The following GPR155 variants were observed in gnomAD, a reference collection of about 807,000 sequenced individuals.
GPR155 encodes the protein G protein-coupled receptor 155.
Under a neutral mutation model 93.1 loss-of-function variants are expected in GPR155, and 65 were observed. The observed-to-expected ratio is 0.70, with a 90% CI of 0.57 to 0.86. GPR155 has a LOEUF of 0.86. GPR155 is among the 40% of genes least tolerant of loss of function. The pLI is 0.00. For missense variants in GPR155, 838 were observed against 1,034.8 expected, an observed-to-expected ratio of 0.81 and a Z score of 2.61; for synonymous variants, 319 against 360.1, an observed-to-expected ratio of 0.89 and a Z score of 1.29.
chr2:174,469,185 TATAAAATCCAG>T (rs1343275096), intron 4 of GPR155, 118 bp from the exon 5 acceptor site: 13 of 799,812 alleles, frequency 1.6e-5, no homozygotes, highest in African/African-American at 1.6e-4. Flanking sequence ...GTAAAGACAT[TATAAAATCCAG>T]CATGTTATCC....
intron 5 of GPR155, among the ~76,000 whole-genome samples, chr2:174,468,299 TC>T (rs759799065): frequency 5.9e-5 from 9 of 152,220 alleles, no homozygotes; most frequent in Non-Finnish European, 1.2e-4. Flanking sequence ...GTCTTTTTTT[TC>T]AGCCAGAATA....
At position 174,436,124 on chromosome 2, in the gene GPR155, T is replaced by C; in HGVS notation, c.2605A>G (p.Lys869Glu). 1 of 1,611,714 alleles carries C rather than the reference T, an allele frequency of 6.2e-7. No homozygotes were observed. The change falls in exon 16 of 16, where the codon AAG becomes GAG. Residue 869 changes from lysine to glutamate, a missense_variant. Around this residue, in one of 3 missense-constraint regions of GPR155, gnomAD observed 146 missense variants for 177.5 expected, o/e 0.82. Coordinates refer to ENST00000392552, the MANE Select transcript of GPR155 (RefSeq NM_152529.7). ...GTTCTCCCCTGCATAATTTAGGTCT[T>C]AGGGGAATGTGAGGGTGGGGATGAA... is the stretch of plus-strand genomic sequence containing the variant. ...EHSSPPSHSPKT is the reference protein window; with the variant it reads ...EHSSPPSHSPET
rs1318035539 is a variant in GPR155 at position 174,431,876 on chromosome 2, C to G, written c.*4240G>C. On this transcript the variant is annotated 3_prime_UTR_variant, in exon 16 of 16. Coordinates refer to ENST00000392552, the MANE Select transcript of GPR155 (RefSeq NM_152529.7). ...TCTCAAAATGCCAAATACACTTTGT[C>G]TTAGTCTAAAAATATTGAAAGCTAA... 1 of 152,150 alleles carries G rather than the reference C, an allele frequency of 6.6e-6. No individual in the cohort carries two copies. The highest frequency in any genetic ancestry group is 1.5e-5 in the Non-Finnish European group (1 of 68,028). The allele number at this position is 152,150 out of a possible 1,614,324, so 9.4% of individuals were successfully genotyped here. A position where few individuals can be genotyped will look rare whatever the true frequency, so the allele number is the denominator to read the frequency against.
At chr2:174,443,516 G>A (rs1687028003) in intron 13 of GPR155, among the ~76,000 whole-genome samples, 1 of 152,154 alleles carries the variant, frequency 6.6e-6, no homozygotes, top group South Asian at 2.1e-4. Context: ...ATCACTTGAG[G>A]TCAGGAGTTC....
In GPR155 at chr2:174,445,341, T is replaced by C. The variant is rs1687089070; in HGVS notation, c.2014-165A>G. ...GGCTTTATCTTTTCAATAAGAAAGT[T>C]TCAACCTCTCCTCCTGACAGATGTC... On this transcript the variant is annotated intron_variant, in intron 12 of 15. Transcript: ENST00000392552. 24 of 560,750 alleles carry C rather than the reference T, an allele frequency of 4.3e-5. 1 individual carries two copies. The South Asian group carries it at 5.2e-4, about 12-fold the overall frequency. The allele number at this position is 560,750 out of a possible 1,614,324, so 34.7% of individuals were successfully genotyped here.
Position 174,435,887 on chromosome 2 carries a change from C to T in GPR155, c.*229G>A. 2.0e-6 allele frequency: 1 copy of T among 507,056 alleles called. No individual in the cohort carries two copies. Among genetic ancestry groups the T allele is most frequent in the South Asian group, 2.9e-5 (1 of 35,010 alleles). The allele number at this position is 507,056 out of a possible 1,614,324, so 31.4% of individuals were successfully genotyped here. Reference sequence around the variant, plus strand: ...GACTATATTATATTCATTATCAGAACTTTAATTTGGTTTTCTCTTTTTCCT... The same window carrying T: ...GACTATATTATATTCATTATCAGAATTTTAATTTGGTTTTCTCTTTTTCCT... On this transcript the variant is annotated 3_prime_UTR_variant, in exon 16 of 16. Transcript: ENST00000392552.
At chr2:174,452,649 CT>C (rs142067219) in intron 11 of GPR155, among the ~76,000 whole-genome samples, 14 of 151,456 alleles carry the variant, frequency 9.2e-5, no homozygotes, top group East Asian at 1.9e-4. Context: ...AAGGTTATTA[CT>C]TTTTTTTTCC....
At chr2:174,452,573 AGTATGTTC>A (rs2105691543) in intron 11 of GPR155, among the ~76,000 whole-genome samples, 1 of 152,304 alleles carries the variant, frequency 6.6e-6, no homozygotes, top group African/African-American at 2.4e-5. Context: ...ATTCCACATA[AGTATGTTC>A]GGTTGTTTTG....
intron 10 of GPR155, among the ~76,000 whole-genome samples, chr2:174,456,893 T>C (rs1444321302): frequency 6.6e-6 from 1 of 152,188 alleles, no homozygotes; most frequent in Non-Finnish European, 1.5e-5. Flanking sequence ...ATTGTAAAAG[T>C]ATAGTAAAAT....
intron 13 of GPR155, among the ~76,000 whole-genome samples, chr2:174,444,658 AATTTTTTTGT>A (rs1423272138): frequency 3.3e-5 from 5 of 151,682 alleles, no homozygotes; most frequent in Non-Finnish European, 7.4e-5. Context: ...ACGTCTGGCT[AATTTTTTTGT>A]ATTTTTTTGT....
Position 174,446,754 on chromosome 2 carries a change from A to AAT in GPR155, c.1877-8_1877-7insAT. On this transcript the variant is annotated splice_polypyrimidine_tract_variant and splice_region_variant and intron_variant, in intron 11 of 15. Transcript: ENST00000392552. ...CGACTCACACAATGATTGTCTATAA[A>AAT]AGAGTAAGCACAACAATTTGTAATC... 1 of 1,612,676 alleles carries AAT rather than the reference A, an allele frequency of 6.2e-7. No homozygotes were observed. Among genetic ancestry groups the AAT allele is most frequent in the Non-Finnish European group, 8.5e-7 (1 of 1,179,424 alleles).
chr2:174,472,602 A>G (rs1418326503), intron 3 of GPR155, among the ~76,000 whole-genome samples: 1 of 152,216 alleles, frequency 6.6e-6, no homozygotes, highest in Non-Finnish European at 1.5e-5. Context: ...TGTTCTGGTT[A>G]TCACTAAGAT....
chr2:174,451,102 G>A (rs1181738404), intron 11 of GPR155, among the ~76,000 whole-genome samples: 2 of 152,042 alleles, frequency 1.3e-5, no homozygotes, highest in Non-Finnish European at 2.9e-5. Context: ...TTGAGATCAG[G>A]AGTTTGACAC....
intron 10 of GPR155, among the ~76,000 whole-genome samples, chr2:174,454,675 A>G (rs1242814985): frequency 8.4e-6 from 1 of 119,178 alleles, no homozygotes; most frequent in African/African-American, 3.6e-5. Context: ...GGAGGGAAGG[A>G]GGGAGGGAGG....
chr2:174,447,485 TTATA>T (rs1200906810), intron 11 of GPR155, among the ~76,000 whole-genome samples: 2 of 146,048 alleles, frequency 1.4e-5, no homozygotes, highest in South Asian at 4.2e-4. Context: ...TAAATGTATA[TTATA>T]TATCAGTATA....
chr2:174,445,146 T>C lies in GPR155; in HGVS notation c.2044A>G (p.Asn682Asp). ...NLSSCLWWLF[N>D]QEPGRLYVEL... ...ACATAAAGTCTTCCAGGCTCTTGGT[T>C]GAATAGCCACCATAAACAACTGGAA... The change falls in exon 13 of 16, where the codon AAC (asparagine) becomes GAC (aspartate). Residue 682 changes from asparagine to aspartate, a missense_variant. Asn to Asp is a conservative substitution (Grantham distance 23). Transcript: ENST00000392552. The C allele has an allele frequency of 6.3e-7, 1 of 1,590,362 alleles. No individual in the cohort carries two copies. The highest frequency in any genetic ancestry group is 1.1e-5 in the South Asian group (1 of 90,622).
Position 174,442,112 on chromosome 2 carries a change from A to G in GPR155, c.2174+7T>C. ...CAGATACAGATTTATTTCAAAACTTAATTTACCTTCTTTTGAAAGGCAGGA... is the reference window on the plus strand; with the variant it reads ...CAGATACAGATTTATTTCAAAACTTGATTTACCTTCTTTTGAAAGGCAGGA... On this transcript the variant is annotated splice_region_variant and intron_variant, in intron 14 of 15. Coordinates refer to ENST00000392552, the MANE Select transcript of GPR155 (RefSeq NM_152529.7). The G allele has an allele frequency of 7.9e-7, 1 of 1,272,066 alleles. No individual in the cohort carries two copies. The allele number at this position is 1,272,066 out of a possible 1,614,324, so 78.8% of individuals were successfully genotyped here. A position where few individuals can be genotyped will look rare whatever the true frequency, so the allele number is the denominator to read the frequency against.
chr2:174,435,353 TATTTACATAGC>T lies in GPR155; in HGVS notation c.*752_*762del, dbSNP rs1686744945. The T allele has an allele frequency of 6.6e-6, 1 of 152,212 alleles. No homozygotes were observed. Among genetic ancestry groups the T allele is most frequent in the South Asian group, 2.1e-4 (1 of 4,832 alleles). The allele number at this position is 152,212 out of a possible 1,614,324, so 9.4% of individuals were successfully genotyped here. ...CTAAACAATACAGTATAACAACAAC[TATTTACATAGC>T]ATTTACATTGTATTAGGCATTATAA... On this transcript the variant is annotated 3_prime_UTR_variant, in exon 16 of 16. Coordinates refer to ENST00000392552, the MANE Select transcript of GPR155 (RefSeq NM_152529.7).
chr2:174,441,183 T>C (rs892380557), intron 14 of GPR155, among the ~76,000 whole-genome samples: 2 of 152,044 alleles, frequency 1.3e-5, no homozygotes, highest in Non-Finnish European at 2.9e-5. Flanking sequence ...TTACTAAAGG[T>C]TTAAAAACAT....
Sources: allele counts gnomAD v4.1 joint callset (sites outside exome capture counted in the v4.1 genomes callset), GRCh38; gene constraint gnomAD v4.1.1; regional missense constraint gnomAD v4.1.1; transcripts MANE v1.5; gene names NCBI Gene and HGNC (gene_info 2026-07-23, HGNC 2026-07-21).